The following PTPRM variants were observed in gnomAD, a reference collection of about 807,000 sequenced individuals.
PTPRM encodes protein tyrosine phosphatase receptor type M, also known as receptor-type tyrosine-protein phosphatase mu.
PTPRM carries 47 observed loss-of-function variants against 186.7 expected under a neutral mutation model. The ratio of observed to expected loss-of-function variants is 0.25; its 90% CI spans 0.20 to 0.32. The LOEUF is 0.32. Ranked by LOEUF, PTPRM falls within the 10% of genes least tolerant of loss-of-function variation. The pLI, the probability that PTPRM is intolerant of heterozygous loss-of-function variation, is 1.00. For synonymous variants in PTPRM, 668 were observed against 674.9 expected (o/e 0.99, Z 0.16); for missense variants, 1,494 against 1,865.0 (o/e 0.80, Z 3.66).
intron 8 of PTPRM, among the ~76,000 whole-genome samples, chr18:8,070,491 A>G (rs2089402461): frequency 6.6e-6 from 1 of 152,304 alleles, no homozygotes; most frequent in Admixed American, 6.5e-5. Flanking sequence ...GGTGGTCATG[A>G]AACAGGTCAT....
At chr18:8,353,128 G>A (rs578092355) in intron 23 of PTPRM, among the ~76,000 whole-genome samples, 4 of 152,278 alleles carry the variant, frequency 2.6e-5, no homozygotes, top group African/African-American at 9.6e-5. Flanking sequence ...GCATAAGGAA[G>A]GGAAAGCACA....
chr18:7,758,399 T>C (rs2041610486), intron 1 of PTPRM, among the ~76,000 whole-genome samples: 1 of 152,182 alleles, frequency 6.6e-6, no homozygotes, highest in East Asian at 1.9e-4. Flanking sequence ...ATAGAAATTG[T>C]TGGTGTTTTC....
intron 14 of PTPRM, among the ~76,000 whole-genome samples, chr18:8,173,114 G>A (rs899871348): frequency 2.6e-5 from 4 of 152,274 alleles, no homozygotes; most frequent in East Asian, 1.9e-4. Flanking sequence ...GCTAGGTGCC[G>A]AGTATTATAG....
intron 14 of PTPRM, among the ~76,000 whole-genome samples, chr18:8,188,134 C>G (rs2093666197): frequency 6.6e-6 from 1 of 152,078 alleles, no homozygotes; most frequent in Non-Finnish European, 1.5e-5. Context: ...TATGGAGAGG[C>G]AGAAAGGAAA....
chr18:7,650,888 A>G (rs1257754602), intron 1 of PTPRM, among the ~76,000 whole-genome samples: 1 of 152,160 alleles, frequency 6.6e-6, no homozygotes, highest in Non-Finnish European at 1.5e-5. Flanking sequence ...AACTCAATGT[A>G]AAATGCAAAG....
At chr18:7,848,790 A>G (rs1365817183) in intron 2 of PTPRM, among the ~76,000 whole-genome samples, 1 of 152,196 alleles carries the variant, frequency 6.6e-6, no homozygotes, top group African/African-American at 2.4e-5. Flanking sequence ...AAAATAAAAT[A>G]AAATTTGCTT....
intron 19 of PTPRM, among the ~76,000 whole-genome samples, chr18:8,288,419 CA>C (rs1228155653): frequency 6.6e-6 from 1 of 152,126 alleles, no homozygotes; most frequent in Admixed American, 6.5e-5. Context: ...TTTTAGGGAA[CA>C]AAAGAAAAGA....
In PTPRM at chr18:8,119,471, GC is replaced by G. The variant is rs539178509; in HGVS notation, c.2167+4645del. On this transcript the variant is annotated intron_variant, in intron 13 of 32. Transcript: ENST00000580170. Reference sequence around the variant, plus strand: ...TCTACATGAGAAAACCAATTATATAGCAAGACCACTCATATATGCTAATCTG... The same window carrying G: ...TCTACATGAGAAAACCAATTATATAGAAGACCACTCATATATGCTAATCTG... 2.1e-3 allele frequency among the ~76,000 whole-genome samples: 321 copies of G among 152,212 alleles called. 1 individual carries two copies. Among genetic ancestry groups the G allele is most frequent in the African/African-American group, 6.9e-3 (286 of 41,542 alleles).
intron 1 of PTPRM, among the ~76,000 whole-genome samples, chr18:7,652,516 A>G (rs961019661): frequency 3.3e-5 from 5 of 152,082 alleles, no homozygotes; most frequent in African/African-American, 4.8e-5. Context: ...ATGTCCAACA[A>G]TGATAGACTG....
At chr18:7,673,318 A>G (rs1351134734) in intron 1 of PTPRM, among the ~76,000 whole-genome samples, 2 of 152,260 alleles carry the variant, frequency 1.3e-5, no homozygotes, top group Admixed American at 6.5e-5. Context: ...CACCAACAAA[A>G]GAAGAATTCA....
At chr18:8,029,712 G>A (rs1956904649) in intron 7 of PTPRM, among the ~76,000 whole-genome samples, 1 of 152,194 alleles carries the variant, frequency 6.6e-6, no homozygotes, top group South Asian at 2.1e-4. Context: ...CTCGAGAGTA[G>A]AGATTGTGTC....
intron 1 of PTPRM, among the ~76,000 whole-genome samples, chr18:7,576,392 A>G (rs912494336): frequency 2.0e-5 from 3 of 152,194 alleles, no homozygotes; most frequent in African/African-American, 4.8e-5. Context: ...TATGGAATCA[A>G]AATGGGCTCA....
At chr18:7,696,168 TTTC>T (rs2039839562) in intron 1 of PTPRM, among the ~76,000 whole-genome samples, 1 of 152,186 alleles carries the variant, frequency 6.6e-6, no homozygotes, top group Admixed American at 6.6e-5. Context: ...TTCAGGGTTT[TTTC>T]TTCTTTAAAT....
intron 21 of PTPRM, among the ~76,000 whole-genome samples, chr18:8,316,587 T>C: frequency 6.6e-6 from 1 of 152,182 alleles, no homozygotes; most frequent in Non-Finnish European, 1.5e-5. Flanking sequence ...TTATTTACCT[T>C]TCTAGGTGCT....
At chr18:8,272,268 T>C (rs1197072557) in intron 19 of PTPRM, among the ~76,000 whole-genome samples, 1 of 151,914 alleles carries the variant, frequency 6.6e-6, no homozygotes, top group African/African-American at 2.4e-5. Context: ...TTTGTGTTTG[T>C]TGATCTTTAA....
At chr18:7,644,852 G>GT (rs2038525005) in intron 1 of PTPRM, among the ~76,000 whole-genome samples, 2 of 152,274 alleles carry the variant, frequency 1.3e-5, no homozygotes, top group South Asian at 4.1e-4. Flanking sequence ...GCTTATATCA[G>GT]TTAAGTTCAA....
intron 22 of PTPRM, among the ~76,000 whole-genome samples, chr18:8,331,586 A>C (rs2148163669): frequency 6.6e-6 from 1 of 152,352 alleles, no homozygotes; most frequent in Non-Finnish European, 1.5e-5. Context: ...ATGTTCCAAA[A>C]GACATATCTC....
At chr18:8,289,574 A>ACG (rs1199496521) in intron 19 of PTPRM, among the ~76,000 whole-genome samples, 2 of 114,510 alleles carry the variant, frequency 1.7e-5, no homozygotes, top group African/African-American at 8.7e-5. Context: ...ATATATATAT[A>ACG]TACATATATA....
chr18:7,975,174 A>G (rs980824001), intron 7 of PTPRM, among the ~76,000 whole-genome samples: 1 of 152,162 alleles, frequency 6.6e-6, no homozygotes, highest in Non-Finnish European at 1.5e-5. Flanking sequence ...GAAAATATAA[A>G]AATAGGTGCA....
Sources: allele counts gnomAD v4.1 joint callset (sites outside exome capture counted in the v4.1 genomes callset), GRCh38; gene constraint gnomAD v4.1.1; transcripts MANE v1.5; gene names NCBI Gene and HGNC (gene_info 2026-07-23, HGNC 2026-07-21).